The following E2F6 variants were observed in gnomAD, a reference collection of about 807,000 sequenced individuals.
E2F6 encodes the protein E2F transcription factor 6, also known as transcription factor E2F6.
Under a neutral mutation model 31.5 loss-of-function variants are expected in E2F6, and 19 were observed. The ratio of observed to expected loss-of-function variants is 0.60; its 90% CI spans 0.42 to 0.89. The LOEUF (loss-of-function observed/expected upper bound fraction) is 0.89, where lower values mean the gene tolerates loss of function less well. E2F6 is among the 40% of genes least tolerant of loss of function. The probability of loss-of-function intolerance (pLI) is 0.00; values close to 1 mark genes in which losing one functional copy is unlikely to be tolerated. For missense variants in E2F6, 269 were observed against 341.6 expected, an observed-to-expected ratio of 0.79 and a Z score of 1.67; for synonymous variants, 121 against 127.7, an observed-to-expected ratio of 0.95 and a Z score of 0.36.
chr2:11,459,768 A>T (rs1671650300), intron 1 of E2F6, among the ~76,000 whole-genome samples: 1 of 151,900 alleles, frequency 6.6e-6, no homozygotes, highest in Admixed American at 6.6e-5. Context: ...CCTGTAATAA[A>T]AGCTACTTGG....
intron 2 of E2F6, among the ~76,000 whole-genome samples, chr2:11,455,786 A>G (rs1671367583): frequency 2.0e-5 from 3 of 152,212 alleles, no homozygotes; most frequent in Non-Finnish European, 4.4e-5. Flanking sequence ...ACTCTATTAT[A>G]TGTCCTGAGG....
At chr2:11,459,466 C>T (rs1270931684) in intron 1 of E2F6, among the ~76,000 whole-genome samples, 1 of 152,188 alleles carries the variant, frequency 6.6e-6, no homozygotes, top group Non-Finnish European at 1.5e-5. Flanking sequence ...TGTGGGAAAA[C>T]AGTCTCCAAG....
intron 1 of E2F6, among the ~76,000 whole-genome samples, chr2:11,458,528 G>C (rs1337895230): frequency 6.6e-6 from 1 of 152,176 alleles, no homozygotes; most frequent in Non-Finnish European, 1.5e-5. Context: ...TAAAGAGTTT[G>C]GACTTTATGT....
intron 5 of E2F6, among the ~76,000 whole-genome samples, chr2:11,448,437 C>A (rs1670858892): frequency 6.6e-6 from 1 of 152,156 alleles, no homozygotes; most frequent in African/African-American, 2.4e-5. Context: ...TCTGTTTTCT[C>A]CCCTTTAATG....
chr2:11,461,380 T>C (rs1162305329), intron 1 of E2F6, among the ~76,000 whole-genome samples: 1 of 152,212 alleles, frequency 6.6e-6, no homozygotes, highest in Admixed American at 6.5e-5. Context: ...TGATGGAGTT[T>C]CACTCTTGTT....
intron 1 of E2F6, among the ~76,000 whole-genome samples, chr2:11,460,562 C>T (rs1364387795): frequency 6.6e-6 from 1 of 152,208 alleles, no homozygotes; most frequent in East Asian, 1.9e-4. Context: ...TGGGGCTTCT[C>T]AGCCTCCAAA....
chr2:11,451,520 T>G, intron 4 of E2F6, 131 bp downstream of exon 4: 2 of 965,290 alleles, frequency 2.1e-6, no homozygotes, highest in Non-Finnish European at 2.9e-6. Context: ...GCCTGGCTAA[T>G]TTTGTATTTA....
intron 1 of E2F6, chr2:11,458,237 G>C (rs1398320245): frequency 1.2e-5 from 19 of 1,547,142 alleles, no homozygotes; most frequent in Non-Finnish European, 1.7e-5. Flanking sequence ...TCTAAGAAGA[G>C]AATCAACAGC....
intron 5 of E2F6, among the ~76,000 whole-genome samples, chr2:11,449,465 T>C (rs1031053745): frequency 6.6e-6 from 1 of 152,216 alleles, no homozygotes; most frequent in South Asian, 2.1e-4. Flanking sequence ...TCAAGCAGCC[T>C]TCTGATGCAA....
intron 2 of E2F6, among the ~76,000 whole-genome samples, chr2:11,454,479 G>C (rs1363701937): frequency 1.3e-5 from 2 of 151,782 alleles, no homozygotes; most frequent in East Asian, 3.9e-4. Flanking sequence ...GGAGTAGCTG[G>C]GATTACAGGC....
At chr2:11,447,819 T>C in intron 5 of E2F6, 45 bp from the exon 6 acceptor site, 9 of 1,579,030 alleles carry the variant, frequency 5.7e-6, no homozygotes, top group Non-Finnish European at 7.7e-6. Context: ...AAATAATAAA[T>C]CATATTTTTT....
chr2:11,461,643 A>T (rs1671790142), intron 1 of E2F6, among the ~76,000 whole-genome samples: 1 of 152,224 alleles, frequency 6.6e-6, no homozygotes, highest in Non-Finnish European at 1.5e-5. Flanking sequence ...ATGAGCCACC[A>T]TGACTGGCCA....
In E2F6 at chr2:11,444,522, T is replaced by C. The variant is rs1670606508; in HGVS notation, c.*1955A>G. On this transcript the variant is annotated 3_prime_UTR_variant, in exon 7 of 7. Transcript: ENST00000381525. ...AAGTTAAGGAACTGCTGCTCAGAAATGATGGTATTACCTTTGGTAAAACCT... is the reference window on the plus strand; with the variant it reads ...AAGTTAAGGAACTGCTGCTCAGAAACGATGGTATTACCTTTGGTAAAACCT... The C allele has an allele frequency of 6.6e-6, 1 of 152,206 alleles. No individual in the cohort carries two copies. Among genetic ancestry groups the C allele is most frequent in the Admixed American group, 6.5e-5 (1 of 15,282 alleles). 9.4% of individuals were successfully genotyped at this position (152,206 alleles called of 1,614,324 possible).
intron 2 of E2F6, among the ~76,000 whole-genome samples, chr2:11,455,021 T>A (rs1011896346): frequency 2.0e-5 from 3 of 152,254 alleles, no homozygotes; most frequent in Non-Finnish European, 4.4e-5. Context: ...TCAATGAACC[T>A]TTTTGTTGCG....
intron 3 of E2F6, 111 bp downstream of exon 3, chr2:11,453,471 G>A: frequency 1.0e-6 from 1 of 994,672 alleles, no homozygotes; most frequent in Non-Finnish European, 1.5e-6. Context: ...CTAACAAGAA[G>A]TCGTACCTTT....
At position 11,458,178 on chromosome 2, in the gene E2F6, G is replaced by GA; in HGVS notation, c.109-946dup. 2.4e-6 allele frequency: 3 copies of GA among 1,274,528 alleles called. No homozygotes were observed. The East Asian group carries it at 7.6e-5, about 32-fold the overall frequency. 79.0% of individuals were successfully genotyped at this position (1,274,528 alleles called of 1,614,324 possible). A position where few individuals can be genotyped will look rare whatever the true frequency, so the allele number is the denominator to read the frequency against. On this transcript the variant is annotated intron_variant, in intron 1 of 6. Transcript: ENST00000381525. ...GTCATCAGGTTTAGCTCTTATCTAAGAAAAAACTGGCCATAAAGCAAAACT... is the reference window on the plus strand; with the variant it reads ...GTCATCAGGTTTAGCTCTTATCTAAGAAAAAAACTGGCCATAAAGCAAAACT...
At chr2:11,464,910 C>A (rs145963707) in intron 1 of E2F6, among the ~76,000 whole-genome samples, 1 of 151,904 alleles carries the variant, frequency 6.6e-6, no homozygotes, top group South Asian at 2.1e-4. Context: ...AGAAAGAAAG[C>A]AGCAGAGAAA....
intron 6 of E2F6, among the ~76,000 whole-genome samples, chr2:11,447,037 C>G (rs1431351260): frequency 6.6e-6 from 1 of 152,218 alleles, no homozygotes; most frequent in Non-Finnish European, 1.5e-5. Context: ...ACTGTGATGG[C>G]TTCTGCCCAG....
At chr2:11,464,386 G>A (rs1286794165) in intron 1 of E2F6, among the ~76,000 whole-genome samples, 24 of 151,684 alleles carry the variant, frequency 1.6e-4, no homozygotes, top group African/African-American at 5.8e-4. Flanking sequence ...GCGTGGTGGC[G>A]GGTGCCTGTA....
Sources: allele counts gnomAD v4.1 joint callset (sites outside exome capture counted in the v4.1 genomes callset), GRCh38; gene constraint gnomAD v4.1.1; transcripts MANE v1.5; gene names NCBI Gene and HGNC (gene_info 2026-07-23, HGNC 2026-07-21).